Variants in ROBO2 observed in about 807,000 individuals in gnomAD.
The protein encoded by ROBO2 is roundabout guidance receptor 2, also known as roundabout homolog 2.
ROBO2 carries 53 observed loss-of-function variants against 160.8 expected under a neutral mutation model. The ratio of observed to expected loss-of-function variants is 0.33; its 90% CI spans 0.26 to 0.41. ROBO2 has a LOEUF of 0.41. Among genes scored for constraint, ROBO2 ranks in the 10% least tolerant of loss-of-function variants. The pLI is 1.00. For synonymous variants in ROBO2, 664 were observed against 611.7 expected (o/e 1.09, Z -1.26); for missense variants, 1,577 against 1,722.4 (o/e 0.92, Z 1.49).
intron 2 of ROBO2, among the ~76,000 whole-genome samples, chr3:77,204,014 G>T (rs530790085): frequency 6.8e-4 from 104 of 152,250 alleles, no homozygotes; most frequent in African/African-American, 2.4e-3. Flanking sequence ...CCACAATTTG[G>T]CCTGGCCTTA....
At chr3:76,024,748 G>T (rs1222469532) in intron 2 of ROBO2, among the ~76,000 whole-genome samples, 1 of 151,326 alleles carries the variant, frequency 6.6e-6, no homozygotes, top group Non-Finnish European at 1.5e-5. Context: ...TTGATAGCTC[G>T]GTTGGAAATG....
At chr3:76,447,916 T>C (rs1321238673) in intron 2 of ROBO2, among the ~76,000 whole-genome samples, 8 of 137,830 alleles carry the variant, frequency 5.8e-5, no homozygotes, top group African/African-American at 2.1e-4. Context: ...GGGGGAGGGA[T>C]AGCATTAGGA....
chr3:76,521,814 T>C (rs962432211), intron 2 of ROBO2, among the ~76,000 whole-genome samples: 30 of 152,194 alleles, frequency 2.0e-4, no homozygotes, highest in Non-Finnish European at 2.8e-4. Flanking sequence ...CTTATAGAGT[T>C]ATTATAAATA....
Position 76,811,641 on chromosome 3 carries a change from C to A in ROBO2, c.110-286373C>A, listed in dbSNP as rs573668204. Among the ~76,000 whole-genome samples the A allele has an allele frequency of 2.0e-4, 31 of 152,218 alleles. No individual in the cohort carries two copies. In the South Asian group the frequency reaches 6.4e-3, roughly 32 times the overall value. On this transcript the variant is annotated intron_variant, in intron 2 of 26. Transcript: ENST00000487694. Reference sequence around the variant, plus strand: ...GCCTTGTGTCCTCTGAGCTAGAAAACCAAATCTCAATTCTTGACATTCACA... The same window carrying A: ...GCCTTGTGTCCTCTGAGCTAGAAAAACAAATCTCAATTCTTGACATTCACA...
Position 77,595,197 on chromosome 3 carries a change from G to A in ROBO2, c.2726+13G>A. 6.3e-7 allele frequency: 1 copy of A among 1,595,952 alleles called. No homozygotes were observed. The highest frequency in any genetic ancestry group is 8.6e-7 in the Non-Finnish European group (1 of 1,164,120). On this transcript the variant is annotated intron_variant, in intron 18 of 25. Coordinates refer to ENST00000461745, the Ensembl canonical transcript of ROBO2. Reference sequence around the variant, plus strand: ...TGAGCAATGGAAGGTATGCTACGGAGATTGTTTCATTATTATTTTTATTTT... The same window carrying A: ...TGAGCAATGGAAGGTATGCTACGGAAATTGTTTCATTATTATTTTTATTTT...
intron 13 of ROBO2, 75 bp from the exon 15 acceptor site, chr3:77,574,424 G>T: frequency 7.8e-7 from 1 of 1,287,060 alleles, no homozygotes; most frequent in African/African-American, 1.5e-5. Flanking sequence ...TGGGACAAAT[G>T]AAAAGAGGAC....
At chr3:77,183,894 C>A (rs2081037796) in intron 2 of ROBO2, among the ~76,000 whole-genome samples, 1 of 152,048 alleles carries the variant, frequency 6.6e-6, no homozygotes, top group African/African-American at 2.4e-5. Context: ...AGTTGATTTG[C>A]ACTGTGCTGC....
chr3:76,749,415 G>T (rs2093943981), intron 2 of ROBO2, among the ~76,000 whole-genome samples: 1 of 151,772 alleles, frequency 6.6e-6, no homozygotes, highest in South Asian at 2.1e-4. Context: ...TTTTTTATTG[G>T]TAGATAAAAT....
intron 2 of ROBO2, among the ~76,000 whole-genome samples, chr3:77,158,021 A>G (rs1369002594): frequency 6.6e-6 from 1 of 152,152 alleles, no homozygotes; most frequent in Non-Finnish European, 1.5e-5. Flanking sequence ...AAATTCTCAT[A>G]TGAAATGAAT....
At chr3:77,296,488 G>A (rs1019916278) in intron 2 of ROBO2, among the ~76,000 whole-genome samples, 3 of 151,994 alleles carry the variant, frequency 2.0e-5, no homozygotes, top group Non-Finnish European at 4.4e-5. Flanking sequence ...CTCAGATGTT[G>A]GTTTTTTGTT....
intron 2 of ROBO2, among the ~76,000 whole-genome samples, chr3:77,451,756 A>G (rs1362236495): frequency 8.0e-6 from 1 of 125,202 alleles, no homozygotes; most frequent in East Asian, 2.4e-4. Context: ...TTCTGACTCT[A>G]AAAAGCAAAT....
chr3:76,471,799 A>G (rs767441970), intron 2 of ROBO2, among the ~76,000 whole-genome samples: 20 of 152,142 alleles, frequency 1.3e-4, no homozygotes, highest in Admixed American at 1.3e-4. Flanking sequence ...ACTTACAATC[A>G]TGGCAGAAGG....
intron 2 of ROBO2, among the ~76,000 whole-genome samples, chr3:77,015,852 A>G (rs189290884): frequency 4.7e-4 from 71 of 152,308 alleles, no homozygotes; most frequent in African/African-American, 1.6e-3. Context: ...TTTAAATCAC[A>G]TGTCTACATT....
chr3:76,141,145 CTCTCTCTCTCTCTCTATATA>C (rs1231795392), intron 2 of ROBO2, among the ~76,000 whole-genome samples: 11 of 59,282 alleles, frequency 1.9e-4, no homozygotes, highest in African/African-American at 3.0e-4. Context: ...CTCTCTCTCT[CTCTCTCTCTCTCTCTATATA>C]TATATATATA....
At chr3:77,520,960 A>T (rs891390182) in intron 5 of ROBO2, among the ~76,000 whole-genome samples, 5 of 151,310 alleles carry the variant, frequency 3.3e-5, no homozygotes, top group Non-Finnish European at 7.4e-5. Flanking sequence ...CAGGTAAAGT[A>T]ATTTGAAATA....
At chr3:77,024,380 AC>A (rs1422752014) in intron 2 of ROBO2, among the ~76,000 whole-genome samples, 1 of 152,196 alleles carries the variant, frequency 6.6e-6, no homozygotes, top group East Asian at 1.9e-4. Flanking sequence ...CACTGAGCTA[AC>A]CTGTGTCAGA....
At chr3:76,937,850 G>T (rs1439070555) in intron 2 of ROBO2, among the ~76,000 whole-genome samples, 1 of 152,116 alleles carries the variant, frequency 6.6e-6, no homozygotes, top group Non-Finnish European at 1.5e-5. Context: ...GGCCATCATT[G>T]TACACACAGT....
intron 2 of ROBO2, among the ~76,000 whole-genome samples, chr3:77,382,004 G>A (rs1282002878): frequency 1.3e-5 from 2 of 152,070 alleles, no homozygotes; most frequent in East Asian, 3.9e-4. Context: ...CACCATTAAC[G>A]TGTATTAAAT....
intron 2 of ROBO2, among the ~76,000 whole-genome samples, chr3:77,015,646 T>C (rs1195543009): frequency 6.6e-6 from 1 of 152,182 alleles, no homozygotes; most frequent in Non-Finnish European, 1.5e-5. Context: ...TTTAACAGCT[T>C]ATTTCTCATA....
Sources: gnomAD v4.1 joint callset for allele counts (sites outside exome capture counted in the v4.1 genomes callset) on GRCh38, gnomAD v4.1.1 for gene constraint, MANE v1.5 for transcripts, NCBI Gene and HGNC (gene_info 2026-07-23, HGNC 2026-07-21) for gene names.